The following PDZD2 variants were observed in gnomAD, a reference collection of about 807,000 sequenced individuals.
The protein encoded by PDZD2 is PDZ domain-containing protein 2.
PDZD2 carries 90 observed loss-of-function variants against 220.7 expected under a neutral mutation model. The ratio of observed to expected loss-of-function variants is 0.41; its 90% CI spans 0.34 to 0.49. The LOEUF is 0.49. Ranked by LOEUF, PDZD2 falls within the 20% of genes least tolerant of loss-of-function variation. PDZD2 has a pLI of 0.28. For missense variants in PDZD2, 3,174 were observed against 3,608.5 expected, an observed-to-expected ratio of 0.88 and a Z score of 3.08; for synonymous variants, 1,375 against 1,450.5, an observed-to-expected ratio of 0.95 and a Z score of 1.18.
intron 2 of PDZD2, chr5:31,923,413 T>C: frequency 7.9e-7 from 1 of 1,259,988 alleles, no homozygotes; most frequent in Non-Finnish European, 1.2e-6. Context: ...CAGCAGCTCT[T>C]CAACGGGGGC....
At chr5:32,029,329 T>A (rs1489710918) in intron 6 of PDZD2, among the ~76,000 whole-genome samples, 16 of 65,830 alleles carry the variant, frequency 2.4e-4, no homozygotes, top group African/African-American at 3.5e-4. Context: ...TCAAGAACTG[T>A]AAAAAAAAAA....
chr5:32,077,499 T>A lies in PDZD2; in HGVS notation c.3575T>A (p.Val1192Asp), dbSNP rs766568777. The change falls in exon 19 of 25, where the codon GTC becomes GAC. Residue 1192 changes from valine (V) to aspartate (D), a missense_variant. By Grantham distance (152) the Val-to-Asp change is radical (BLOSUM62 -3). This residue lies in a region of PDZD2 where 1,861 missense variants were observed against 2,001.0 expected (regional missense o/e 0.93). Transcript: ENST00000438447. ...LGKLTTGDAC[V>D]STSCELASAL... ...AAGCTGACCACTGGAGATGCTTGTG[T>A]CTCTACCAGCTGTGAACTAGCCAGT... 2.0e-5 allele frequency: 33 copies of A among 1,613,878 alleles called. No homozygotes were observed. Among genetic ancestry groups the A allele is most frequent in the Admixed American group, 3.3e-5 (2 of 60,006 alleles).
chr5:31,700,585 C>T (rs1232000307), intron 1 of PDZD2, among the ~76,000 whole-genome samples: 1 of 152,204 alleles, frequency 6.6e-6, no homozygotes, highest in African/African-American at 2.4e-5. Context: ...GCTAAGATCC[C>T]CAACATCCCT....
intron 1 of PDZD2, among the ~76,000 whole-genome samples, chr5:31,756,971 G>C (rs890167259): frequency 6.6e-6 from 1 of 152,200 alleles, no homozygotes; most frequent in Admixed American, 6.5e-5. Flanking sequence ...AGTTGGCCAG[G>C]GCCTGTAGTT....
In PDZD2 at chr5:31,785,651, G is replaced by A. The variant is rs555945243; in HGVS notation, c.-360-13238G>A. Among the ~76,000 whole-genome samples the A allele has an allele frequency of 1.2e-4, 18 of 151,850 alleles. No homozygotes were observed. In the East Asian group the frequency reaches 1.4e-3, roughly 11 times the overall value. On this transcript the variant is annotated intron_variant, in intron 1 of 24. Coordinates refer to ENST00000438447, the MANE Select transcript of PDZD2 (RefSeq NM_178140.4). ...ACACAGGGTCTCGCCATGTTGCCCC[G>A]GCTGCTCTTGAATTCCTGGGCTCAA...
intron 14 of PDZD2, among the ~76,000 whole-genome samples, chr5:32,062,610 T>A (rs1389920262): frequency 6.6e-6 from 1 of 152,092 alleles, no homozygotes; most frequent in African/African-American, 2.4e-5. Flanking sequence ...CCCAGGCTGG[T>A]CTCGAACTCC....
chr5:31,663,804 T>C (rs994504534), intron 1 of PDZD2, among the ~76,000 whole-genome samples: 1 of 152,188 alleles, frequency 6.6e-6, no homozygotes, highest in African/African-American at 2.4e-5. Context: ...ACAAGACAGC[T>C]GGGGCAGGCT....
rs565685266 is a variant in PDZD2 at position 31,938,903 on chromosome 5, G to A, written c.477-44252G>A. On this transcript the variant is annotated intron_variant, in intron 2 of 24. Transcript: ENST00000438447. ...TGTTTAACTTGTGTCGAAACTTCAG[G>A]CCTCGGTATGGAGCCATCTTGTGTA... Among the ~76,000 whole-genome samples, 4 of 152,238 alleles carry A rather than the reference G, an allele frequency of 2.6e-5. No homozygotes were observed. In the South Asian group the frequency reaches 6.2e-4, roughly 24 times the overall value.
Position 31,964,761 on chromosome 5 carries a change from G to C in PDZD2, c.477-18394G>C, listed in dbSNP as rs534435195. 5.5e-3 allele frequency among the ~76,000 whole-genome samples: 836 copies of C among 152,288 alleles called. 12 individuals carry two copies. The highest frequency in any genetic ancestry group is 0.019 in the African/African-American group (786 of 41,538). ...GGCGGAGTCTCGCTCTGTCGCCCAGGCTGGAGGGCAGCGGCGCGATCTCGG... is the reference window on the plus strand; with the variant it reads ...GGCGGAGTCTCGCTCTGTCGCCCAGCCTGGAGGGCAGCGGCGCGATCTCGG... On this transcript the variant is annotated intron_variant, in intron 2 of 24. Transcript: ENST00000438447.
At chr5:31,979,293 A>G (rs1750064178) in intron 2 of PDZD2, among the ~76,000 whole-genome samples, 1 of 152,168 alleles carries the variant, frequency 6.6e-6, no homozygotes, top group Non-Finnish European at 1.5e-5. Flanking sequence ...TTTCTGGCCA[A>G]GAGTGGTAGC....
chr5:31,727,908 C>T (rs1465393775), intron 1 of PDZD2, among the ~76,000 whole-genome samples: 1 of 146,806 alleles, frequency 6.8e-6, no homozygotes, highest in Non-Finnish European at 1.5e-5. Flanking sequence ...GAGGCTGAGG[C>T]AGGAGAATGG....
At chr5:31,725,167 C>T (rs1374982512) in intron 1 of PDZD2, among the ~76,000 whole-genome samples, 1 of 151,790 alleles carries the variant, frequency 6.6e-6, no homozygotes, top group Admixed American at 6.6e-5. Flanking sequence ...CCCATCTCTA[C>T]TAAAAATACA....
chr5:32,103,106 C>A (rs2111709566), intron 24 of PDZD2, among the ~76,000 whole-genome samples: 1 of 151,336 alleles, frequency 6.6e-6, no homozygotes, highest in Non-Finnish European at 1.5e-5. Context: ...TGAAAGAGTT[C>A]CAGAAGGAAA....
intron 13 of PDZD2, 105 bp from the exon 14 acceptor site, chr5:32,060,897 A>C: frequency 9.4e-7 from 1 of 1,067,216 alleles, no homozygotes; most frequent in Non-Finnish European, 1.4e-6. Flanking sequence ...TCTTTAAAGT[A>C]TTCAGAAAAG....
intron 6 of PDZD2, among the ~76,000 whole-genome samples, chr5:32,021,421 C>G (rs1754193336): frequency 6.6e-6 from 1 of 152,050 alleles, no homozygotes; most frequent in Admixed American, 6.6e-5. Flanking sequence ...CTCAGCCTCC[C>G]GAGTAGCTGG....
rs143563676 is a variant in PDZD2, at chr5:31,934,709, G to T, written c.477-48446G>T. On this transcript the variant is annotated intron_variant, in intron 2 of 24. Coordinates refer to ENST00000438447, the MANE Select transcript of PDZD2 (RefSeq NM_178140.4). ...ATTTCAAAAATGTCTCACTGTGACT[G>T]GAACTAGGTTATGTCAATACAAGGC... Among the ~76,000 whole-genome samples, 306 of 151,566 alleles carry T rather than the reference G, an allele frequency of 2.0e-3. 1 individual carries two copies. Among genetic ancestry groups the T allele is most frequent in the Middle Eastern group, 6.8e-3 (2 of 294 alleles).
At chr5:31,956,212 G>A (rs1451551495) in intron 2 of PDZD2, among the ~76,000 whole-genome samples, 1 of 152,002 alleles carries the variant, frequency 6.6e-6, no homozygotes, top group East Asian at 1.9e-4. Context: ...TTCAAAGTGG[G>A]GTATTGAAGT....
At chr5:31,736,953 G>A (rs1391279797) in intron 1 of PDZD2, among the ~76,000 whole-genome samples, 3 of 84,926 alleles carry the variant, frequency 3.5e-5, no homozygotes, top group East Asian at 6.9e-4. Context: ...CTCCCACTTC[G>A]CCTTCCACCA....
In PDZD2 at chr5:31,919,730, A is replaced by AAAAC. The variant is rs3037134; in HGVS notation, c.477-63425_477-63424insAAAC. Among the ~76,000 whole-genome samples the AAAAC allele has an allele frequency of 3.6e-4, 51 of 140,166 alleles. 1 individual carries two copies. Among genetic ancestry groups the AAAAC allele is most frequent in the African/African-American group, 7.2e-4 (27 of 37,538 alleles). The allele number at this position is 140,166 out of a possible 152,430, so 92.0% of individuals were successfully genotyped here. ...AAGAAAAAAAAAAGGAAAAAAAAAA[A>AAAAC]GGCCAGGCACAGTGGCTCACACCTG... On this transcript the variant is annotated intron_variant, in intron 2 of 24. Coordinates refer to ENST00000438447, the MANE Select transcript of PDZD2 (RefSeq NM_178140.4).
Sources: allele counts gnomAD v4.1 joint callset (sites outside exome capture counted in the v4.1 genomes callset), GRCh38; gene constraint gnomAD v4.1.1; regional missense constraint gnomAD v4.1.1; transcripts MANE v1.5; gene names NCBI Gene and HGNC (gene_info 2026-07-23, HGNC 2026-07-21).